The following CCDC102B variants were observed in gnomAD, a reference collection of about 807,000 sequenced individuals.
The protein encoded by CCDC102B is coiled-coil domain containing 102B.
In CCDC102B, 75 loss-of-function variants were observed where a neutral mutation model predicts 57.4. That is an observed-to-expected ratio of 1.31 (90% confidence interval 1.08 to 1.58). The LOEUF is 1.58. CCDC102B is among the 40% of genes most tolerant of loss of function. The pLI, the probability that CCDC102B is intolerant of heterozygous loss-of-function variation, is 0.00. For synonymous variants in CCDC102B, 206 were observed against 201.9 expected, an observed-to-expected ratio of 1.02 and a Z score of -0.17; for missense variants, 636 against 582.6, an observed-to-expected ratio of 1.09 and a Z score of -0.94.
At chr18:69,000,445 T>C (rs2051170070) in intron 6 of CCDC102B, among the ~76,000 whole-genome samples, 1 of 152,194 alleles carries the variant, frequency 6.6e-6, no homozygotes, top group Non-Finnish European at 1.5e-5. Flanking sequence ...TCTTAATAAG[T>C]ATTCCATTAG....
At chr18:68,939,910 G>A (rs2145164740) in intron 6 of CCDC102B, among the ~76,000 whole-genome samples, 1 of 151,758 alleles carries the variant, frequency 6.6e-6, no homozygotes, top group East Asian at 1.9e-4. Context: ...TGAACATATG[G>A]GCTTGTCAAT....
intron 6 of CCDC102B, among the ~76,000 whole-genome samples, chr18:69,008,254 A>C (rs2051406510): frequency 6.6e-6 from 1 of 152,210 alleles, no homozygotes; most frequent in South Asian, 2.1e-4. Context: ...TGAAAATTGT[A>C]TTCTGAAGAG....
intron 2 of CCDC102B, among the ~76,000 whole-genome samples, chr18:68,790,565 G>A (rs1389580639): frequency 5.9e-5 from 9 of 152,224 alleles, no homozygotes; most frequent in Non-Finnish European, 1.3e-4. Flanking sequence ...GAAAAGTGCA[G>A]TATTCGGGTG....
chr18:68,968,002 A>G (rs1016682548), intron 6 of CCDC102B, among the ~76,000 whole-genome samples: 9 of 152,170 alleles, frequency 5.9e-5, no homozygotes, highest in African/African-American at 1.9e-4. Flanking sequence ...CAAAATTCAT[A>G]AGGCAAATGG....
chr18:69,019,272 G>A (rs1202436411), intron 7 of CCDC102B, among the ~76,000 whole-genome samples: 1 of 151,880 alleles, frequency 6.6e-6, no homozygotes, highest in East Asian at 1.9e-4. Context: ...CATAGGTATT[G>A]TATTGAATCT....
At chr18:68,763,304 G>A (rs1025340014) in intron 2 of CCDC102B, among the ~76,000 whole-genome samples, 3 of 152,158 alleles carry the variant, frequency 2.0e-5, no homozygotes, top group Non-Finnish European at 4.4e-5. Context: ...AGGAAAGGGC[G>A]CCTGCAATAT....
upstream of CCDC102B, among the ~76,000 whole-genome samples, chr18:68,797,423 C>G (rs2035669681): frequency 6.6e-6 from 1 of 151,886 alleles, no homozygotes; most frequent in Non-Finnish European, 1.5e-5. Flanking sequence ...TCTCTCGCCT[C>G]CCCCCTCAAC....
chr18:68,957,658 A>G (rs1370935338), intron 6 of CCDC102B, among the ~76,000 whole-genome samples: 1 of 149,700 alleles, frequency 6.7e-6, no homozygotes, highest in Non-Finnish European at 1.5e-5. Flanking sequence ...GGATAATATC[A>G]TTAGTATTTC....
rs76846027 is a variant in CCDC102B at position 68,914,602 on chromosome 18, C to G, written c.1263+17174C>G. ...GGATTGCATGGAGGCTGGAGGTGCC[C>G]TTGACCATCTTCAGTTTGGAAACAT... On this transcript the variant is annotated intron_variant, in intron 6 of 7. Coordinates refer to ENST00000360242, the MANE Select transcript of CCDC102B (RefSeq NM_024781.3). Among the ~76,000 whole-genome samples the G allele has an allele frequency of 4.2e-3, 642 of 152,242 alleles. 5 individuals are homozygous for G. Among genetic ancestry groups the G allele is most frequent in the African/African-American group, 0.015 (613 of 41,538 alleles).
rs185102313 is a variant in CCDC102B, at chr18:68,972,847, G to A, written c.1264-38087G>A. 3.1e-4 allele frequency among the ~76,000 whole-genome samples: 47 copies of A among 151,870 alleles called. 1 individual carries two copies. The East Asian group carries it at 7.2e-3, about 23-fold the overall frequency. On this transcript the variant is annotated intron_variant, in intron 6 of 7. Transcript: ENST00000360242. ...CCTTCATCTAATTGTTTTAGACGCC[G>A]GTCAAAAATGTTTTATCTTTGTTTA...
At chr18:68,969,486 T>C (rs942064295) in intron 6 of CCDC102B, among the ~76,000 whole-genome samples, 2 of 151,634 alleles carry the variant, frequency 1.3e-5, no homozygotes, top group African/African-American at 4.8e-5. Context: ...ATCTTTTTTT[T>C]TTTTTTCGTT....
chr18:68,765,166 A>C lies in CCDC102B; in HGVS notation c.-67+48572A>C, dbSNP rs1411603287. 4.0e-5 allele frequency among the ~76,000 whole-genome samples: 6 copies of C among 150,606 alleles called. No homozygotes were observed. In the East Asian group the frequency reaches 1.2e-3, roughly 29 times the overall value. On this transcript the variant is annotated intron_variant, in intron 2 of 3. Transcript: ENST00000578970. ...TTGAGCCCAGGAATTTGAGGCTGCAATAAGCTATAATAGTGCCAACACACT... is the reference window on the plus strand; with the variant it reads ...TTGAGCCCAGGAATTTGAGGCTGCACTAAGCTATAATAGTGCCAACACACT...
rs371463493 is a variant in CCDC102B, at chr18:68,889,800, T to C, written c.1054-7419T>C. ...TGATGTTATAGCAACCTGTATGGACTAAAGCATTTTCTCTTTTATTCAGAT... is the reference window on the plus strand; with the variant it reads ...TGATGTTATAGCAACCTGTATGGACCAAAGCATTTTCTCTTTTATTCAGAT... On this transcript the variant is annotated intron_variant, in intron 5 of 7. Coordinates refer to ENST00000360242, the MANE Select transcript of CCDC102B (RefSeq NM_024781.3). 1.4e-3 allele frequency among the ~76,000 whole-genome samples: 218 copies of C among 152,330 alleles called. 1 individual carries two copies. The highest frequency in any genetic ancestry group is 6.8e-3 in the Middle Eastern group (2 of 294).
chr18:68,977,267 A>T (rs1393854828), intron 6 of CCDC102B, among the ~76,000 whole-genome samples: 1 of 151,906 alleles, frequency 6.6e-6, no homozygotes, highest in East Asian at 1.9e-4. Context: ...AATGATGATG[A>T]GTTTTTAAAA....
At chr18:68,999,971 T>C (rs1043008800) in intron 6 of CCDC102B, among the ~76,000 whole-genome samples, 2 of 152,200 alleles carry the variant, frequency 1.3e-5, no homozygotes, top group African/African-American at 4.8e-5. Context: ...TTCTTTCCTA[T>C]TGATATAGTA....
chr18:69,051,520 G>A (rs180893847), intron 7 of CCDC102B, among the ~76,000 whole-genome samples: 11 of 152,030 alleles, frequency 7.2e-5, no homozygotes, highest in African/African-American at 2.6e-4. Context: ...AGTTCTTCAT[G>A]AAATTTGCTA....
chr18:68,846,965 T>C (rs1233771199), intron 4 of CCDC102B, among the ~76,000 whole-genome samples: 1 of 151,838 alleles, frequency 6.6e-6, no homozygotes, highest in Non-Finnish European at 1.5e-5. Flanking sequence ...TGCATTTTCA[T>C]CAATAAAATG....
At chr18:68,810,401 A>G (rs2144708826) in intron 1 of CCDC102B, among the ~76,000 whole-genome samples, 1 of 152,320 alleles carries the variant, frequency 6.6e-6, no homozygotes, top group South Asian at 2.1e-4. Context: ...CATATGATTT[A>G]TATCTGATTA....
chr18:68,907,897 A>C (rs541998464), intron 6 of CCDC102B, among the ~76,000 whole-genome samples: 3 of 152,274 alleles, frequency 2.0e-5, no homozygotes, highest in African/African-American at 7.2e-5. Context: ...AACTTTTATC[A>C]TTGATTATTA....
Sources: gnomAD v4.1 joint callset for allele counts (sites outside exome capture counted in the v4.1 genomes callset) on GRCh38, gnomAD v4.1.1 for gene constraint, MANE v1.5 for transcripts, NCBI Gene and HGNC (gene_info 2026-07-23, HGNC 2026-07-21) for gene names.